Variants in GBE1 observed in about 807,000 individuals in gnomAD.
The protein encoded by GBE1 is 1,4-alpha-glucan-branching enzyme.
Under a neutral mutation model 88.8 loss-of-function variants are expected in GBE1, and 70 were observed. The observed-to-expected ratio is 0.79, with a 90% CI of 0.65 to 0.96. The LOEUF (loss-of-function observed/expected upper bound fraction) is 0.96, where lower values mean the gene tolerates loss of function less well. GBE1 is among the 40% of genes least tolerant of loss of function. The pLI is 0.00. For missense variants in GBE1, 872 were observed against 871.0 expected, an observed-to-expected ratio of 1.00 and a Z score of -0.01; for synonymous variants, 284 against 300.1, an observed-to-expected ratio of 0.95 and a Z score of 0.56.
intron 14 of GBE1, among the ~76,000 whole-genome samples, chr3:81,516,502 G>A (rs1702800709): frequency 6.6e-6 from 1 of 151,496 alleles, no homozygotes; most frequent in Non-Finnish European, 1.5e-5. Flanking sequence ...AATTAATGTT[G>A]TTTTCAAGCC....
In GBE1 at chr3:81,578,097, C is replaced by T; in HGVS notation, c.1447-1G>A. Reference sequence around the variant, plus strand: ...CCAGCGACTTATCCCCAACCAATGCCTACAGAAATAAAAGTAATGGAGATA... The same window carrying T: ...CCAGCGACTTATCCCCAACCAATGCTTACAGAAATAAAAGTAATGGAGATA... On this transcript the variant is annotated splice_acceptor_variant, in intron 11 of 15. Coordinates refer to ENST00000429644, the MANE Select transcript of GBE1 (RefSeq NM_000158.4). LOFTEE classifies it high-confidence loss of function. 1 of 1,585,874 alleles carries T rather than the reference C, an allele frequency of 6.3e-7. No homozygotes were observed. The highest frequency in any genetic ancestry group is 8.6e-7 in the Non-Finnish European group (1 of 1,167,002).
At chr3:81,697,724 C>A (rs879322829) in intron 2 of GBE1, among the ~76,000 whole-genome samples, 3 of 152,072 alleles carry the variant, frequency 2.0e-5, no homozygotes, top group Admixed American at 2.0e-4. Context: ...GGGTATGAGG[C>A]AGGACCCTCT....
At chr3:81,686,494 C>T (rs142827829) in intron 2 of GBE1, among the ~76,000 whole-genome samples, 359 of 152,292 alleles carry the variant, frequency 2.4e-3, no homozygotes, top group African/African-American at 8.2e-3. Context: ...CAGTGACTCA[C>T]GCCTGTAATC....
intron 1 of GBE1, among the ~76,000 whole-genome samples, chr3:81,757,639 C>T (rs1007153302): frequency 6.6e-6 from 1 of 152,090 alleles, no homozygotes; most frequent in Admixed American, 6.6e-5. Context: ...TCACTCGTTA[C>T]CTTTTAGGTT....
intron 12 of GBE1, among the ~76,000 whole-genome samples, chr3:81,562,778 G>T (rs973570519): frequency 6.6e-6 from 1 of 151,446 alleles, no homozygotes; most frequent in East Asian, 1.9e-4. Context: ...CTCTTAGTGA[G>T]AAGGAAAAAT....
chr3:81,743,585 G>A (rs886171675), intron 1 of GBE1: 16 of 1,535,052 alleles, frequency 1.0e-5, no homozygotes, highest in African/African-American at 8.2e-5. Flanking sequence ...ATGGGACAAC[G>A]AAGTTAGAAA....
chr3:81,615,474 T>C (rs1166341078), intron 7 of GBE1, among the ~76,000 whole-genome samples: 1 of 152,198 alleles, frequency 6.6e-6, no homozygotes, highest in African/African-American at 2.4e-5. Context: ...AAAACACTAA[T>C]TTCTTCTCCA....
chr3:81,561,273 C>G (rs1206382282), intron 12 of GBE1, among the ~76,000 whole-genome samples: 1 of 151,958 alleles, frequency 6.6e-6, no homozygotes, highest in African/African-American at 2.4e-5. Context: ...CTTGTACAGT[C>G]AAAGAAACAC....
chr3:81,749,380 T>C (rs1435646539), intron 1 of GBE1, among the ~76,000 whole-genome samples: 1 of 152,068 alleles, frequency 6.6e-6, no homozygotes, highest in African/African-American at 2.4e-5. Context: ...TATGATTTCA[T>C]TCATAGAACA....
intron 12 of GBE1, 77 bp from the exon 13 acceptor site, chr3:81,537,172 G>T: frequency 1.1e-6 from 1 of 917,684 alleles, no homozygotes; most frequent in Non-Finnish European, 1.5e-6. Flanking sequence ...ATAATTATAT[G>T]TTTTTAATGT....
chr3:81,743,568 A>C (rs1476487807), intron 1 of GBE1: 13 of 1,534,818 alleles, frequency 8.5e-6, no homozygotes, highest in African/African-American at 1.4e-5. Flanking sequence ...TCACTTTAGC[A>C]AGATTCATGG....
In GBE1 at chr3:81,535,281, A is replaced by T. The variant is rs572672227; in HGVS notation, c.1848T>A (p.Phe616Leu). Residue 616 changes from phenylalanine (F) to leucine (L), a missense_variant, in exon 14 of 16, where the codon TTT (phenylalanine) becomes TTA (leucine). Physicochemically the swap from Phe to Leu is conservative, Grantham distance 22. Coordinates refer to ENST00000429644, the MANE Select transcript of GBE1 (RefSeq NM_000158.4). ...EKHEGNKIIA[F>L]ERAGLLFIFN... ...AAATGAAAAGAAGACCTGCTCTTTC[A>T]AAAGCAATGATCTTATTGCCTTCAT... The T allele has an allele frequency of 6.2e-7, 1 of 1,611,394 alleles. No individual in the cohort carries two copies. Among genetic ancestry groups the T allele is most frequent in the Non-Finnish European group, 8.5e-7 (1 of 1,178,552 alleles).
At chr3:81,601,179 A>T (rs2106969389) in intron 7 of GBE1, among the ~76,000 whole-genome samples, 1 of 152,298 alleles carries the variant, frequency 6.6e-6, no homozygotes, top group East Asian at 1.9e-4. Flanking sequence ...ATTCAAAGTC[A>T]TCAAGTGTCT....
intron 1 of GBE1, among the ~76,000 whole-genome samples, chr3:81,741,402 T>C (rs1444798974): frequency 1.3e-5 from 2 of 152,120 alleles, no homozygotes; most frequent in African/African-American, 4.8e-5. Flanking sequence ...GTAAATTCTG[T>C]TTTAAGCATT....
At chr3:81,727,063 A>T (rs993126787) in intron 1 of GBE1, among the ~76,000 whole-genome samples, 5 of 152,250 alleles carry the variant, frequency 3.3e-5, no homozygotes, top group African/African-American at 1.2e-4. Context: ...TAAGGCAGAA[A>T]TGATACCCAT....
chr3:81,760,527 G>A (rs1469373879), intron 1 of GBE1, among the ~76,000 whole-genome samples: 2 of 152,158 alleles, frequency 1.3e-5, no homozygotes, highest in African/African-American at 4.8e-5. Flanking sequence ...AAATCAAAAT[G>A]GGGTAACCTC....
At chr3:81,627,316 T>C (rs1704431344) in intron 7 of GBE1, among the ~76,000 whole-genome samples, 3 of 152,196 alleles carry the variant, frequency 2.0e-5, no homozygotes, top group Admixed American at 2.0e-4. Flanking sequence ...TGTTTAAATG[T>C]GTCAAGCACC....
intron 1 of GBE1, among the ~76,000 whole-genome samples, chr3:81,728,366 G>T (rs888484568): frequency 2.6e-5 from 4 of 152,120 alleles, no homozygotes; most frequent in Non-Finnish European, 5.9e-5. Context: ...TGCAAAAAAT[G>T]ATATAATCAA....
chr3:81,501,384 G>A (rs961408850), intron 14 of GBE1, among the ~76,000 whole-genome samples: 9 of 152,090 alleles, frequency 5.9e-5, no homozygotes, highest in East Asian at 1.9e-4. Context: ...ACTTTTTCAC[G>A]GGCAATTTTA....
Sources: gnomAD v4.1 joint callset for allele counts (sites outside exome capture counted in the v4.1 genomes callset) on GRCh38, gnomAD v4.1.1 for gene constraint, MANE v1.5 for transcripts, NCBI Gene and HGNC (gene_info 2026-07-23, HGNC 2026-07-21) for gene names.